Variants in PCDH15 observed in about 807,000 individuals in gnomAD.
PCDH15 encodes protocadherin-15.
In PCDH15, 129 loss-of-function variants were observed where a neutral mutation model predicts 178.5. The ratio of observed to expected loss-of-function variants is 0.72; its 90% CI spans 0.63 to 0.84. The LOEUF (loss-of-function observed/expected upper bound fraction) is 0.84, where lower values mean the gene tolerates loss of function less well. Ranked by LOEUF, PCDH15 falls within the 40% of genes least tolerant of loss-of-function variation. The probability of loss-of-function intolerance (pLI) is 0.00; values close to 1 mark genes in which losing one functional copy is unlikely to be tolerated. For missense variants in PCDH15, 2,230 were observed against 2,099.9 expected (o/e 1.06, Z -1.21); for synonymous variants, 800 against 732.0 (o/e 1.09, Z -1.50).
rs1789512781 is a variant in PCDH15 at position 53,806,478 on chromosome 10, C to CATG, written c.*98_*100dup. The CATG allele has an allele frequency of 6.0e-6, 6 of 1,006,202 alleles. No individual in the cohort carries two copies. The highest frequency in any genetic ancestry group is 7.1e-6 in the Non-Finnish European group (5 of 699,342). The allele number at this position is 1,006,202 out of a possible 1,614,324, so 62.3% of individuals were successfully genotyped here. ...ATTGTTCAAAGTTTTAGCTTGTGTG[C>CATG]ATGATATAAATTCCATACATTGTTT... On this transcript the variant is annotated 3_prime_UTR_variant, in exon 38 of 38. Coordinates refer to ENST00000644397, the MANE Select transcript of PCDH15 (RefSeq NM_001384140.1).
intron 1 of PCDH15, among the ~76,000 whole-genome samples, chr10:55,210,043 A>G (rs1840518112): frequency 6.6e-6 from 1 of 152,076 alleles, no homozygotes; most frequent in African/African-American, 2.4e-5. Context: ...GAGAAGAACC[A>G]GGAAAGCTAT....
chr10:54,504,187 AATT>A (rs2080969315), intron 3 of PCDH15, among the ~76,000 whole-genome samples: 3 of 152,150 alleles, frequency 2.0e-5, no homozygotes, highest in Non-Finnish European at 4.4e-5. Context: ...GTGACTTGGC[AATT>A]TACTTCTAAA....
At chr10:55,152,046 G>C (rs914711140) in intron 2 of PCDH15, among the ~76,000 whole-genome samples, 1 of 152,036 alleles carries the variant, frequency 6.6e-6, no homozygotes, top group Non-Finnish European at 1.5e-5. Flanking sequence ...TGGTAAAAGA[G>C]TCATTCCAGT....
intron 3 of PCDH15, among the ~76,000 whole-genome samples, chr10:54,406,776 C>T (rs995878836): frequency 3.3e-5 from 5 of 152,062 alleles, no homozygotes; most frequent in Admixed American, 6.6e-5. Flanking sequence ...AAGGAGCAAA[C>T]GTAAGAGTAA....
chr10:54,272,279 TCAGATTTAATC>T (rs543542095), intron 8 of PCDH15, among the ~76,000 whole-genome samples: 60 of 151,956 alleles, frequency 3.9e-4, no homozygotes, highest in African/African-American at 1.3e-3. Context: ...TTTAGTTCAC[TCAGATTTAATC>T]CAGTAGTCTA....
At chr10:54,696,934 T>C (rs76407464) in intron 1 of PCDH15, among the ~76,000 whole-genome samples, 10,253 of 152,082 alleles carry the variant, frequency 0.067, 416 homozygotes, top group South Asian at 0.15. Flanking sequence ...TGTCATCTTA[T>C]AGGATACAGT....
chr10:55,157,505 C>T (rs11004760), intron 2 of PCDH15, among the ~76,000 whole-genome samples: 57,559 of 145,322 alleles, frequency 0.4, 11,815 homozygotes, highest in African/African-American at 0.55. Context: ...CACATGCACA[C>T]GTATGTTTAT....
At chr10:54,135,898 TAA>T (rs1244244259) in intron 14 of PCDH15, among the ~76,000 whole-genome samples, 2 of 152,152 alleles carry the variant, frequency 1.3e-5, no homozygotes, top group Non-Finnish European at 2.9e-5. Flanking sequence ...AAAGATGAAA[TAA>T]GTTTATATAT....
chr10:55,174,743 C>CT (rs1382552000), intron 1 of PCDH15, among the ~76,000 whole-genome samples: 1 of 152,142 alleles, frequency 6.6e-6, no homozygotes, highest in African/African-American at 2.4e-5. Context: ...TATCCATGTT[C>CT]TTTCTTAACT....
chr10:54,238,669 T>A (rs1188992350), intron 8 of PCDH15, among the ~76,000 whole-genome samples: 1 of 142,046 alleles, frequency 7.0e-6, no homozygotes, highest in Non-Finnish European at 1.5e-5. Flanking sequence ...CCTCTCTCTC[T>A]CTCTCTCTCA....
intron 2 of PCDH15, among the ~76,000 whole-genome samples, chr10:54,628,404 C>T (rs1477820653): frequency 6.6e-6 from 1 of 152,172 alleles, no homozygotes; most frequent in Non-Finnish European, 1.5e-5. Context: ...GACTTTTCCT[C>T]TCACTTTATT....
intron 13 of PCDH15, among the ~76,000 whole-genome samples, chr10:54,155,422 T>A (rs2045009279): frequency 6.6e-6 from 1 of 152,048 alleles, no homozygotes; most frequent in Admixed American, 6.6e-5. Flanking sequence ...TATTAGGAGG[T>A]AGAAAGCTTA....
intron 2 of PCDH15, among the ~76,000 whole-genome samples, chr10:55,328,494 G>A (rs533884231): frequency 5.3e-5 from 8 of 151,676 alleles, no homozygotes; most frequent in East Asian, 1.9e-4. Context: ...ACATATAATG[G>A]TACAGTAAAA....
chr10:53,845,857 G>T, intron 28 of PCDH15, among the ~76,000 whole-genome samples: 1 of 151,706 alleles, frequency 6.6e-6, no homozygotes, highest in South Asian at 2.1e-4. Context: ...TTTCAAAACA[G>T]CTAGATAAGA....
At chr10:53,929,825 A>G (rs2084888888) in intron 25 of PCDH15, among the ~76,000 whole-genome samples, 1 of 152,260 alleles carries the variant, frequency 6.6e-6, no homozygotes, top group Non-Finnish European at 1.5e-5. Flanking sequence ...TGACATATTT[A>G]TAGAAAGCTA....
chr10:54,995,339 G>T (rs1457644371), intron 2 of PCDH15, among the ~76,000 whole-genome samples: 1 of 144,934 alleles, frequency 6.9e-6, no homozygotes, highest in Non-Finnish European at 1.5e-5. Context: ...TCGCATCACT[G>T]CACTCCAGCC....
At chr10:55,575,440 G>T (rs1326713865) in intron 2 of PCDH15, among the ~76,000 whole-genome samples, 1 of 152,088 alleles carries the variant, frequency 6.6e-6, no homozygotes, top group Non-Finnish European at 1.5e-5. Flanking sequence ...AATGTTTGAG[G>T]TGGGGACAAT....
rs535078677 is a variant in PCDH15 at position 54,171,944 on chromosome 10, C to T, written c.1590+11500G>A. 1.3e-4 allele frequency among the ~76,000 whole-genome samples: 20 copies of T among 151,028 alleles called. 1 individual carries two copies. The East Asian group carries it at 3.9e-3, about 29-fold the overall frequency. ...CCGCCCCTAATCCTGCTTGAAGCAG[C>T]CCTGAGAAACATCGCCCATTCTCTC... On this transcript the variant is annotated intron_variant, in intron 13 of 37. Coordinates refer to ENST00000644397, the MANE Select transcript of PCDH15 (RefSeq NM_001384140.1).
Position 55,116,128 on chromosome 10 carries a change from T to A in PCDH15, c.-80+50448A>T, listed in dbSNP as rs571529084. 3.9e-5 allele frequency among the ~76,000 whole-genome samples: 6 copies of A among 152,222 alleles called. No individual in the cohort carries two copies. In the East Asian group the frequency reaches 1.2e-3, roughly 29 times the overall value. ...TTTAATGCAAGAATGGACATTATGA[T>A]AGGATAGGTAAGTGGAGTAGCTAAA... On this transcript the variant is annotated intron_variant, in intron 2 of 5. Transcript: ENST00000458638.
Sources: gnomAD v4.1 joint callset for allele counts (sites outside exome capture counted in the v4.1 genomes callset) on GRCh38, gnomAD v4.1.1 for gene constraint, MANE v1.5 for transcripts, NCBI Gene and HGNC (gene_info 2026-07-23, HGNC 2026-07-21) for gene names.